SLC1A2: variants seen among roughly 807,000 people sequenced by gnomAD.
The protein encoded by SLC1A2 is solute carrier family 1 member 2.
In SLC1A2, 15 loss-of-function variants were observed where a neutral mutation model predicts 48.8. That is an observed-to-expected ratio of 0.31 (90% CI 0.21 to 0.47). SLC1A2 has a LOEUF of 0.47. Among genes scored for constraint, SLC1A2 ranks in the 20% least tolerant of loss-of-function variants. The pLI is 0.99. For synonymous variants in SLC1A2, 279 were observed against 272.6 expected, an observed-to-expected ratio of 1.02 and a Z score of -0.23; for missense variants, 502 against 730.5, an observed-to-expected ratio of 0.69 and a Z score of 3.61.
intron 9 of SLC1A2, among the ~76,000 whole-genome samples, chr11:35,268,465 T>C (rs997327041): frequency 6.6e-6 from 1 of 152,000 alleles, no homozygotes; most frequent in African/African-American, 2.4e-5. Flanking sequence ...TCACCTGAGG[T>C]CAGGCATTTG....
At chr11:35,357,820 T>C (rs1295731083) in intron 1 of SLC1A2, among the ~76,000 whole-genome samples, 1 of 152,194 alleles carries the variant, frequency 6.6e-6, no homozygotes, top group Non-Finnish European at 1.5e-5. Flanking sequence ...TTTTATAGTA[T>C]ATTAAAATGG....
At chr11:35,306,289 A>G (rs1851504156) in intron 4 of SLC1A2, 47 bp from the exon 5 acceptor site, 4 of 1,458,460 alleles carry the variant, frequency 2.7e-6, no homozygotes, top group Non-Finnish European at 3.7e-6. Flanking sequence ...TTTGGCCTAT[A>G]AGGTGAAAAA....
intron 1 of SLC1A2, among the ~76,000 whole-genome samples, chr11:35,406,360 T>C (rs1247124891): frequency 6.6e-6 from 1 of 152,088 alleles, no homozygotes; most frequent in Non-Finnish European, 1.5e-5. Context: ...ATGTAAAAGT[T>C]GTAATTGATG....
At chr11:35,396,619 T>C (rs909721020) in intron 1 of SLC1A2, among the ~76,000 whole-genome samples, 48 of 152,190 alleles carry the variant, frequency 3.2e-4, no homozygotes, top group African/African-American at 9.2e-4. Context: ...TTCTCCCATT[T>C]TTTAGGTTGC....
rs960439596 is a variant in SLC1A2, at chr11:35,251,804, G to A, written c.*9090C>T. ...GTAGGCTTTACCCTTCTTGGGAAAA[G>A]AGTAGGGCACTCAGGGTTCCCTATA... On this transcript the variant is annotated 3_prime_UTR_variant, in exon 11 of 11. Coordinates refer to ENST00000278379, the MANE Select transcript of SLC1A2 (RefSeq NM_004171.4). 2 of 152,636 alleles carry A rather than the reference G, an allele frequency of 1.3e-5. No individual in the cohort carries two copies. The highest frequency in any genetic ancestry group is 4.8e-5 in the African/African-American group (2 of 41,456). The allele number at this position is 152,636 out of a possible 1,614,324, so 9.5% of individuals were successfully genotyped here.
intron 1 of SLC1A2, among the ~76,000 whole-genome samples, chr11:35,394,916 G>A (rs1854904374): frequency 6.6e-6 from 1 of 152,172 alleles, no homozygotes; most frequent in South Asian, 2.1e-4. Flanking sequence ...TTCTCTCCTT[G>A]GTAGGTCTGG....
intron 1 of SLC1A2, among the ~76,000 whole-genome samples, chr11:35,333,182 G>T (rs1322735581): frequency 5.9e-5 from 9 of 152,186 alleles, no homozygotes; most frequent in Non-Finnish European, 1.3e-4. Flanking sequence ...GGAGGCCAAG[G>T]TGGGTGGATC....
At chr11:35,385,178 G>A (rs376038247) in intron 1 of SLC1A2, among the ~76,000 whole-genome samples, 14 of 152,278 alleles carry the variant, frequency 9.2e-5, no homozygotes, top group Admixed American at 4.6e-4. Flanking sequence ...AATTGTCATT[G>A]AGAAAGGCCA....
intron 2 of SLC1A2, 90 bp downstream of exon 2, chr11:35,317,287 G>A (rs1393004680): frequency 6.0e-5 from 86 of 1,432,388 alleles, no homozygotes; most frequent in Non-Finnish European, 8.0e-5. Flanking sequence ...CTTTCTGGTG[G>A]AAGGGCTGGC....
chr11:35,323,027 T>C (rs1161726309), intron 1 of SLC1A2: 1 of 474,220 alleles, frequency 2.1e-6, no homozygotes, highest in African/African-American at 2.0e-5. Context: ...TTGTCACAGA[T>C]CCTGCAAATG....
chr11:35,267,819 T>C (rs909440261), intron 9 of SLC1A2, among the ~76,000 whole-genome samples: 8 of 152,072 alleles, frequency 5.3e-5, no homozygotes, highest in South Asian at 4.1e-4. Context: ...AAACTGCCTC[T>C]CCTTCTGTTC....
At chr11:35,279,246 A>G (rs1326476312) in intron 9 of SLC1A2, among the ~76,000 whole-genome samples, 2 of 152,230 alleles carry the variant, frequency 1.3e-5, no homozygotes, top group Non-Finnish European at 2.9e-5. Flanking sequence ...TACATCTCAC[A>G]GAACATCCAA....
chr11:35,340,494 A>C (rs934644374), intron 1 of SLC1A2, among the ~76,000 whole-genome samples: 1 of 152,204 alleles, frequency 6.6e-6, no homozygotes, highest in Non-Finnish European at 1.5e-5. Context: ...TGAATCACAC[A>C]CATATTCTGT....
At chr11:35,317,113 T>C (rs1473445586) in intron 2 of SLC1A2, 3 of 409,330 alleles carry the variant, frequency 7.3e-6, no homozygotes, top group Non-Finnish European at 1.3e-5. Context: ...AAAGTCTCCA[T>C]AAGTATAGGA....
rs58243116 is a variant in SLC1A2 at position 35,301,006 on chromosome 11, T to C, written c.857+513A>G. 4.5e-3 allele frequency among the ~76,000 whole-genome samples: 686 copies of C among 152,228 alleles called. 1 individual carries two copies. The highest frequency in any genetic ancestry group is 6.2e-3 in the African/African-American group (256 of 41,538). On this transcript the variant is annotated intron_variant, in intron 6 of 10. Coordinates refer to ENST00000278379, the MANE Select transcript of SLC1A2 (RefSeq NM_004171.4). ...CACCACTGCACTCCAGTCTGGGTGA[T>C]AGAGTCAGACCCTGTCTCAAAAAAA...
chr11:35,312,498 A>G, intron 3 of SLC1A2, 50 bp from the exon 4 acceptor site: 1 of 1,595,898 alleles, frequency 6.3e-7, no homozygotes, highest in Non-Finnish European at 8.6e-7. Flanking sequence ...GTTTGTGCTA[A>G]TGACCTGTGT....
intron 1 of SLC1A2, among the ~76,000 whole-genome samples, chr11:35,342,528 TTG>T (rs1852876181): frequency 1.4e-5 from 2 of 138,814 alleles, no homozygotes; most frequent in South Asian, 2.4e-4. Context: ...TTTTTTGTTG[TTG>T]TTGTTGTTGT....
intron 2 of SLC1A2, chr11:35,316,028 C>T (rs1040262296): frequency 6.6e-6 from 1 of 152,206 alleles, no homozygotes; most frequent in African/African-American, 2.4e-5. Flanking sequence ...CCAATAATTT[C>T]CTCATGGCTC....
intron 9 of SLC1A2, among the ~76,000 whole-genome samples, chr11:35,274,219 C>T (rs1197532171): frequency 2.6e-5 from 4 of 152,172 alleles, no homozygotes; most frequent in Non-Finnish European, 5.9e-5. Flanking sequence ...CTTTGTCCTT[C>T]CCTTTGCTAT....
Sources: allele counts gnomAD v4.1 joint callset (sites outside exome capture counted in the v4.1 genomes callset), GRCh38; gene constraint gnomAD v4.1.1; transcripts MANE v1.5; gene names NCBI Gene and HGNC (gene_info 2026-07-23, HGNC 2026-07-21).